The following IFT70A variants were observed in gnomAD, a reference collection of about 807,000 sequenced individuals.
The protein encoded by IFT70A is intraflagellar transport 70A.
chr2:177,613,250 ATTT>A, the IFT70A span: 2 of 152,150 alleles, frequency 1.3e-5, no homozygotes, highest in East Asian at 1.9e-4. Context: ...CTACAGAAAA[ATTT>A]TTTGCCTTTT....
At chr2:177,613,847 C>T in the IFT70A span, 3 of 152,116 alleles carry the variant, frequency 2.0e-5, no homozygotes, top group Non-Finnish European at 4.4e-5. Context: ...ATTTCACAAA[C>T]GTGCAAATTT....
the IFT70A span, chr2:177,615,377 A>C: frequency 6.6e-6 from 1 of 152,238 alleles, no homozygotes; most frequent in Non-Finnish European, 1.5e-5. Context: ...TAGTACAAAA[A>C]CTGAAAGAGG....
At chr2:177,618,391 A>C in the IFT70A span, 7 of 1,613,386 alleles carry the variant, frequency 4.3e-6, no homozygotes, top group Admixed American at 1.2e-4. Flanking sequence ...ATCCAGGAGA[A>C]GGAAGGCGAC....
At chr2:177,613,268 T>C in the IFT70A span, 6 of 152,350 alleles carry the variant, frequency 3.9e-5, no homozygotes, top group East Asian at 1.9e-4. Flanking sequence ...CCTTTTCCAG[T>C]AAACATACAA....
At chr2:177,616,044 CCAAT>C in the IFT70A span, 2 of 151,934 alleles carry the variant, frequency 1.3e-5, no homozygotes, top group African/African-American at 4.8e-5. Context: ...TAAGAAGCAA[CCAAT>C]CAACCAAATT....
At chr2:177,618,524 C>T in the IFT70A span, 1 of 1,590,202 alleles carries the variant, frequency 6.3e-7, no homozygotes, top group Non-Finnish European at 8.6e-7. Flanking sequence ...AGCGCGAACT[C>T]CTGCAGGCGG....
chr2:177,618,255 T>C, the IFT70A span: 16 of 1,614,076 alleles, frequency 9.9e-6, no homozygotes, highest in Admixed American at 5.0e-5. Flanking sequence ...CATTGTCGCC[T>C]CCACTTTCTT....
At chr2:177,616,680 G>A in the IFT70A span, 2 of 1,459,644 alleles carry the variant, frequency 1.4e-6, no homozygotes, top group Non-Finnish European at 1.8e-6. Context: ...AAGCCATTTT[G>A]AAAAAAGCCA....
the IFT70A span, chr2:177,618,463 T>C: frequency 1.9e-6 from 3 of 1,597,788 alleles, no homozygotes; most frequent in Non-Finnish European, 2.6e-6. Context: ...CAGGCGGTAC[T>C]GCTCCAGTTC....
the IFT70A span, chr2:177,613,439 T>C: frequency 6.6e-6 from 1 of 152,218 alleles, no homozygotes; most frequent in Non-Finnish European, 1.5e-5. Flanking sequence ...TGACTAAAAA[T>C]GGAACAGACA....
chr2:177,616,888 T>A, the IFT70A span: 9 of 1,594,266 alleles, frequency 5.6e-6, no homozygotes, highest in Non-Finnish European at 6.0e-6. Flanking sequence ...AACACTGTCA[T>A]GAATGACTAT....
chr2:177,618,096 T>C, the IFT70A span: 508 of 1,614,240 alleles, frequency 3.1e-4, 2 homozygotes, highest in African/African-American at 6.3e-3. Flanking sequence ...AGGCATACTG[T>C]CGGCTGCTGT....
At chr2:177,616,977 A>C in the IFT70A span, 7 of 1,611,802 alleles carry the variant, frequency 4.3e-6, no homozygotes, top group South Asian at 7.7e-5. Context: ...CCAGCTTTTT[A>C]TTATAAGGCT....
the IFT70A span, chr2:177,616,486 T>C: frequency 5.2e-6 from 2 of 384,214 alleles, no homozygotes; most frequent in Non-Finnish European, 9.2e-6. Context: ...GACCAGATGA[T>C]TGTCACTAGT....
At chr2:177,616,752 G>A in the IFT70A span, 2 of 1,562,332 alleles carry the variant, frequency 1.3e-6, no homozygotes, top group Non-Finnish European at 8.6e-7. Flanking sequence ...TCAATTGTCT[G>A]GACTCATCTG....
At chr2:177,617,579 C>A in the IFT70A span, 1 of 1,614,196 alleles carries the variant, frequency 6.2e-7, no homozygotes, top group South Asian at 1.1e-5. Context: ...TTAATGAAAG[C>A]CTCTTCAGGA....
At chr2:177,617,014 C>T in the IFT70A span, 2 of 1,613,606 alleles carry the variant, frequency 1.2e-6, no homozygotes, top group Non-Finnish European at 8.5e-7. Flanking sequence ...TCGAGAAATA[C>T]CAAACTCATA....
At chr2:177,618,575 T>G in the IFT70A span, 5 of 1,600,602 alleles carry the variant, frequency 3.1e-6, no homozygotes, top group African/African-American at 1.3e-5. Context: ...GCACGGCTCC[T>G]GGGGCTCCGC....
At chr2:177,615,482 T>C in the IFT70A span, 1 of 152,322 alleles carries the variant, frequency 6.6e-6, no homozygotes, top group Admixed American at 6.5e-5. Context: ...TATATATTCA[T>C]AGCTACGGCT....
Sources: gnomAD v4.1 joint callset for allele counts on GRCh38, gnomAD v4.1.1 for gene constraint, MANE v1.5 for transcripts, NCBI Gene and HGNC (gene_info 2026-07-23, HGNC 2026-07-21) for gene names.